BRINP3: variants seen among roughly 807,000 people sequenced by gnomAD.
BRINP3 encodes the protein BMP/retinoic acid-inducible neural-specific protein 3.
Under a neutral mutation model 71.0 loss-of-function variants are expected in BRINP3, and 19 were observed. The ratio of observed to expected loss-of-function variants is 0.27; its 90% CI spans 0.19 to 0.39. The LOEUF is 0.39. Among genes scored for constraint, BRINP3 ranks in the 10% least tolerant of loss-of-function variants. The pLI is 1.00. For missense variants in BRINP3, 959 were observed against 940.8 expected (o/e 1.02, Z -0.25); for synonymous variants, 380 against 337.7 (o/e 1.13, Z -1.37).
At chr1:190,395,500 G>A (rs1459149990) in intron 2 of BRINP3, among the ~76,000 whole-genome samples, 1 of 151,638 alleles carries the variant, frequency 6.6e-6, no homozygotes, top group Non-Finnish European at 1.5e-5. Flanking sequence ...TTCATCTTCA[G>A]TGGTCTTTGA....
At position 190,098,191 on chromosome 1, in the gene BRINP3, C is replaced by T. The variant is rs780067965; in HGVS notation, c.2128G>A (p.Val710Ile). 6.8e-6 allele frequency: 11 copies of T among 1,614,126 alleles called. No homozygotes were observed. In the South Asian group the frequency reaches 1.2e-4, roughly 18 times the overall value. Residue 710 changes from valine to isoleucine, a missense_variant, in exon 8 of 8, where the codon GTA (valine) becomes ATA (isoleucine). Val to Ile is a conservative substitution (Grantham distance 29). Coordinates refer to ENST00000367462, the MANE Select transcript of BRINP3 (RefSeq NM_199051.3). ...LLQLLEIRDRVNKLSPPGQRR... is the reference protein window; with the variant it reads ...LLQLLEIRDRINKLSPPGQRR... ...TGACCAGGTGGGGAGAGTTTATTTA[C>T]ACGGTCTCTGATCTCTAGTAGTTGC...
chr1:190,169,730 A>T (rs76345907), intron 6 of BRINP3, among the ~76,000 whole-genome samples: 1,633 of 152,306 alleles, frequency 0.011, 25 homozygotes, highest in African/African-American at 0.036. Flanking sequence ...TTTATCAGGA[A>T]TTCTGTGTTG....
chr1:190,451,590 A>T (rs756693082), intron 2 of BRINP3, among the ~76,000 whole-genome samples: 12 of 151,638 alleles, frequency 7.9e-5, no homozygotes, highest in Middle Eastern at 3.4e-3. Context: ...TTTTTTTTTT[A>T]AATGAGGCAA....
chr1:190,270,457 A>G (rs1662008250), intron 3 of BRINP3, among the ~76,000 whole-genome samples: 1 of 151,786 alleles, frequency 6.6e-6, no homozygotes, highest in Non-Finnish European at 1.5e-5. Context: ...TTAAGAACAC[A>G]TTATTTTGAA....
At chr1:190,288,912 C>T (rs1455553455) in intron 2 of BRINP3, among the ~76,000 whole-genome samples, 1 of 151,790 alleles carries the variant, frequency 6.6e-6, no homozygotes, top group Non-Finnish European at 1.5e-5. Context: ...AAATAGATAT[C>T]TGTTAATGAA....
At chr1:190,104,606 A>G (rs1359690577) in intron 7 of BRINP3, among the ~76,000 whole-genome samples, 1 of 152,026 alleles carries the variant, frequency 6.6e-6, no homozygotes, top group East Asian at 1.9e-4. Context: ...TTAAAAATAG[A>G]TGCCATTTTA....
intron 6 of BRINP3, among the ~76,000 whole-genome samples, chr1:190,210,977 A>G (rs1415308961): frequency 6.6e-6 from 1 of 152,022 alleles, no homozygotes; most frequent in Non-Finnish European, 1.5e-5. Flanking sequence ...CAAGTTCTTC[A>G]GCTTTTGGAC....
At chr1:190,394,858 G>GA (rs1671470360) in intron 2 of BRINP3, among the ~76,000 whole-genome samples, 2 of 151,490 alleles carry the variant, frequency 1.3e-5, no homozygotes, top group African/African-American at 4.8e-5. Context: ...GTGCCTACCG[G>GA]AAAAAAAGAC....
At chr1:190,214,065 C>A (rs922905987) in intron 6 of BRINP3, among the ~76,000 whole-genome samples, 1 of 151,910 alleles carries the variant, frequency 6.6e-6, no homozygotes, top group Non-Finnish European at 1.5e-5. Flanking sequence ...GAGCTTGAGT[C>A]CCCGAAAAAC....
chr1:190,228,754 A>G lies in BRINP3; in HGVS notation c.725-2436T>C, dbSNP rs574581711. Among the ~76,000 whole-genome samples the G allele has an allele frequency of 9.8e-4, 147 of 150,736 alleles. 2 individuals are homozygous for G. The highest frequency in any genetic ancestry group is 3.4e-3 in the African/African-American group (140 of 40,954). On this transcript the variant is annotated intron_variant, in intron 5 of 7. Transcript: ENST00000367462. ...GAGATAGCTTGGCCTGCTCTGACAA[A>G]CAACTCGGAGTGGTTCAGGGCTGGC...
chr1:190,316,658 T>G (rs1299669665), intron 2 of BRINP3, among the ~76,000 whole-genome samples: 3 of 152,096 alleles, frequency 2.0e-5, no homozygotes, highest in Admixed American at 2.0e-4. Context: ...TGCATAAGGG[T>G]TGCAGAGACC....
intron 2 of BRINP3, among the ~76,000 whole-genome samples, chr1:190,298,990 T>C (rs60401527): frequency 0.018 from 2,666 of 152,272 alleles, 85 homozygotes; most frequent in African/African-American, 0.061. Flanking sequence ...CCCAGTTGTT[T>C]GGTGCATGCA....
Position 190,226,062 on chromosome 1 carries a change from T to C in BRINP3, c.961+20A>G, listed in dbSNP as rs200969183. 2.1e-6 allele frequency: 3 copies of C among 1,440,108 alleles called. No individual in the cohort carries two copies. The Admixed American group carries it at 6.7e-5, about 32-fold the overall frequency. 89.2% of individuals were successfully genotyped at this position (1,440,108 alleles called of 1,614,324 possible). ...TTTTTGTCAATATTTAAAAGTGTTA[T>C]ATTAAAATACATGTCTTACCTGATT... On this transcript the variant is annotated intron_variant, in intron 6 of 7. Transcript: ENST00000367462.
At chr1:190,349,877 A>G (rs908145030) in intron 2 of BRINP3, among the ~76,000 whole-genome samples, 5 of 152,156 alleles carry the variant, frequency 3.3e-5, no homozygotes, top group African/African-American at 1.2e-4. Context: ...TTTAAAATTT[A>G]GTATGATAAT....
In BRINP3 at chr1:190,429,026, A is replaced by G. The variant is rs1673911305; in HGVS notation, c.236+25629T>C. On this transcript the variant is annotated intron_variant, in intron 2 of 7. Transcript: ENST00000367462. ...TGGAGGAAAATGTTGAATACTTGCT[A>G]TAAATCAGATGCTGCTTTAGCTACT... Among the ~76,000 whole-genome samples, 3 of 152,134 alleles carry G rather than the reference A, an allele frequency of 2.0e-5. No homozygotes were observed. The South Asian group carries it at 6.2e-4, about 32-fold the overall frequency.
chr1:190,342,596 A>G (rs1667737457), intron 2 of BRINP3: 1 of 151,200 alleles, frequency 6.6e-6, no homozygotes, highest in Non-Finnish European at 1.5e-5. Context: ...TAGGGATGTA[A>G]GATTTTTCTT....
intron 6 of BRINP3, among the ~76,000 whole-genome samples, chr1:190,181,507 T>G (rs1653028124): frequency 6.6e-6 from 1 of 152,032 alleles, no homozygotes; most frequent in Non-Finnish European, 1.5e-5. Flanking sequence ...TCTTAAAATT[T>G]TACTTGATTT....
Position 190,098,535 on chromosome 1 carries a change from T to A in BRINP3, c.1784A>T (p.Asp595Val). The part of the protein sequence containing the change: ...FMPVNENSFP[D>V]WERTKLDLPL... Reference sequence around the variant, plus strand: ...TAGGTCCAACTTAGTCCGCTCCCAGTCTGGAAAGCTGTTTTCATTCACAGG... The same window carrying A: ...TAGGTCCAACTTAGTCCGCTCCCAGACTGGAAAGCTGTTTTCATTCACAGG... The change falls in exon 8 of 8, where the codon GAC becomes GTC. Residue 595 changes from aspartate (D) to valine (V), a missense_variant. By Grantham distance (152) the Asp-to-Val change is radical. Transcript: ENST00000367462. The A allele has an allele frequency of 6.2e-7, 1 of 1,614,174 alleles. No individual in the cohort carries two copies. Among genetic ancestry groups the A allele is most frequent in the South Asian group, 1.1e-5 (1 of 91,092 alleles).
At position 190,375,146 on chromosome 1, in the gene BRINP3, C is replaced by G. The variant is rs570733131; in HGVS notation, c.236+79509G>C. 5.3e-5 allele frequency among the ~76,000 whole-genome samples: 8 copies of G among 151,884 alleles called. No homozygotes were observed. In the South Asian group the frequency reaches 1.2e-3, roughly 24 times the overall value. On this transcript the variant is annotated intron_variant, in intron 2 of 7. Coordinates refer to ENST00000367462, the MANE Select transcript of BRINP3 (RefSeq NM_199051.3). ...TTTGTAGTAATTTGGGAAAATACAACAAGGTAGTAATTTAGGAAATAAAGG... is the reference window on the plus strand; with the variant it reads ...TTTGTAGTAATTTGGGAAAATACAAGAAGGTAGTAATTTAGGAAATAAAGG...
Sources: gnomAD v4.1 joint callset for allele counts (sites outside exome capture counted in the v4.1 genomes callset) on GRCh38, gnomAD v4.1.1 for gene constraint, MANE v1.5 for transcripts, NCBI Gene and HGNC (gene_info 2026-07-23, HGNC 2026-07-21) for gene names.